Variants in PPP6R3 observed in about 807,000 individuals in gnomAD.
PPP6R3 encodes protein phosphatase 6 regulatory subunit 3.
PPP6R3 carries 38 observed loss-of-function variants against 110.7 expected under a neutral mutation model. That is an observed-to-expected ratio of 0.34 (90% CI 0.26 to 0.45). PPP6R3 has a LOEUF of 0.45. PPP6R3 is among the 20% of genes least tolerant of loss of function. The probability of loss-of-function intolerance (pLI) is 1.00; values close to 1 mark genes in which losing one functional copy is unlikely to be tolerated. For missense variants in PPP6R3, 870 were observed against 1,062.4 expected (o/e 0.82, Z 2.52); for synonymous variants, 369 against 373.5 (o/e 0.99, Z 0.14).
intron 1 of PPP6R3, among the ~76,000 whole-genome samples, chr11:68,467,560 A>G (rs2098757270): frequency 6.6e-6 from 1 of 152,202 alleles, no homozygotes; most frequent in Admixed American, 6.5e-5. Flanking sequence ...CACTTTGAGA[A>G]AAAAGAGCTT....
At chr11:68,477,473 C>T (rs554615145) in intron 1 of PPP6R3, among the ~76,000 whole-genome samples, 1 of 151,974 alleles carries the variant, frequency 6.6e-6, no homozygotes, top group Admixed American at 6.6e-5. Context: ...GTTATCCCGA[C>T]ACTTTGGGAG....
At chr11:68,601,731 G>A (rs1238602286) in intron 20 of PPP6R3, 132 bp from the exon 21 acceptor site, 12 of 662,652 alleles carry the variant, frequency 1.8e-5, no homozygotes, top group Non-Finnish European at 3.1e-5. Context: ...ACTGGAGTTT[G>A]TAACCCAGTG....
At chr11:68,601,672 G>T (rs997648248) in intron 20 of PPP6R3, among the ~76,000 whole-genome samples, 191 bp from the exon 21 acceptor site, 1 of 152,072 alleles carries the variant, frequency 6.6e-6, no homozygotes, top group Admixed American at 6.5e-5. Context: ...TTGCCTGCCC[G>T]CACTCATGTC....
intron 11 of PPP6R3, among the ~76,000 whole-genome samples, chr11:68,570,573 A>G (rs2099500147): frequency 6.6e-6 from 1 of 152,234 alleles, no homozygotes; most frequent in African/African-American, 2.4e-5. Context: ...ACTTTGGGCA[A>G]AACCCACCTG....
Position 68,565,696 on chromosome 11 carries a change from G to GTA in PPP6R3, c.975+1265_975+1266dup, listed in dbSNP as rs1252352109. ...TCTGGTTCTGGGCCCCGATTCAAAA[G>GTA]TAAGGCAGTGTCTTGTTTGGACTTC... On this transcript the variant is annotated intron_variant, in intron 9 of 23. Transcript: ENST00000393800. Among the ~76,000 whole-genome samples the GTA allele has an allele frequency of 4.6e-5, 7 of 152,166 alleles. No homozygotes were observed. In the South Asian group the frequency reaches 1.2e-3, roughly 27 times the overall value.
chr11:68,528,430 GT>G (rs1247530074), intron 2 of PPP6R3, among the ~76,000 whole-genome samples: 14 of 36,366 alleles, frequency 3.8e-4, no homozygotes, highest in African/African-American at 1.2e-3. Context: ...TAATTTGTGT[GT>G]GTGGGGGGGG....
intron 8 of PPP6R3, among the ~76,000 whole-genome samples, chr11:68,559,741 C>G (rs999207063): frequency 2.0e-5 from 3 of 152,132 alleles, no homozygotes; most frequent in Non-Finnish European, 4.4e-5. Context: ...GTACCATCTT[C>G]CTACCCCAGG....
intron 23 of PPP6R3, 80 bp from the exon 24 acceptor site, chr11:68,612,986 C>T: frequency 6.2e-7 from 1 of 1,608,096 alleles, no homozygotes; most frequent in East Asian, 2.2e-5. Flanking sequence ...TGTCCCTGCC[C>T]TTGGGGAGCT....
intron 1 of PPP6R3, among the ~76,000 whole-genome samples, chr11:68,467,837 C>T (rs1380559472): frequency 1.3e-5 from 2 of 152,110 alleles, no homozygotes; most frequent in Non-Finnish European, 2.9e-5. Context: ...TGTAGTGGCG[C>T]GATCTCGGCT....
chr11:68,594,365 A>G (rs1472042750), intron 18 of PPP6R3, among the ~76,000 whole-genome samples: 1 of 149,176 alleles, frequency 6.7e-6, no homozygotes, highest in Non-Finnish European at 1.5e-5. Flanking sequence ...AGAGAGAGTG[A>G]GTTAAATATG....
intron 1 of PPP6R3, among the ~76,000 whole-genome samples, chr11:68,511,362 G>T (rs779641550): frequency 3.3e-5 from 5 of 151,954 alleles, no homozygotes; most frequent in Non-Finnish European, 5.9e-5. Context: ...ACCGCGCCCG[G>T]CCCATGTATA....
At chr11:68,536,050 G>T (rs1280622626) in intron 2 of PPP6R3, among the ~76,000 whole-genome samples, 8 of 152,148 alleles carry the variant, frequency 5.3e-5, no homozygotes, top group Admixed American at 5.2e-4. Context: ...CCTATCCTGT[G>T]AAGTGGATCT....
At chr11:68,497,889 T>A (rs192329338) in intron 1 of PPP6R3, among the ~76,000 whole-genome samples, 428 of 152,342 alleles carry the variant, frequency 2.8e-3, no homozygotes, top group Non-Finnish European at 4.4e-3. Context: ...TTGCCTCATT[T>A]TTAATGACTA....
chr11:68,601,816 A>T, intron 20 of PPP6R3, 47 bp from the exon 21 acceptor site: 2 of 1,474,746 alleles, frequency 1.4e-6, no homozygotes, highest in Non-Finnish European at 1.9e-6. Flanking sequence ...GGGGTAACTG[A>T]GGACCATTCC....
chr11:68,608,034 T>TA lies in PPP6R3; in HGVS notation c.2451-1854dup, dbSNP rs55705439. On this transcript the variant is annotated intron_variant, in intron 22 of 23. Coordinates refer to ENST00000393800, the MANE Select transcript of PPP6R3 (RefSeq NM_001164161.2). Reference sequence around the variant, plus strand: ...GCCTCCTTCCTCGGCAGGACTTCTTTAAAAAAAAAAAAAAAAGCCTTCAAA... The same window carrying TA: ...GCCTCCTTCCTCGGCAGGACTTCTTTAAAAAAAAAAAAAAAAAGCCTTCAAA... 2.1e-3 allele frequency among the ~76,000 whole-genome samples: 282 copies of TA among 134,926 alleles called. 1 individual carries two copies. The highest frequency in any genetic ancestry group is 6.2e-3 in the East Asian group (29 of 4,680). The allele number at this position is 134,926 out of a possible 152,430, so 88.5% of individuals were successfully genotyped here.
intron 1 of PPP6R3, among the ~76,000 whole-genome samples, chr11:68,469,526 A>G (rs1469492536): frequency 6.6e-6 from 1 of 151,150 alleles, no homozygotes; most frequent in Non-Finnish European, 1.5e-5. Flanking sequence ...GGCACATGCT[A>G]CTACACCCAG....
At chr11:68,477,743 T>TATATATATATATATATATATAG (rs2098845229) in intron 1 of PPP6R3, among the ~76,000 whole-genome samples, 13 of 60,986 alleles carry the variant, frequency 2.1e-4, no homozygotes, top group Admixed American at 3.1e-4. Flanking sequence ...AAAAAAAAAA[T>TATATATATATATATATATATAG]ATATATATAT....
At chr11:68,567,902 A>G (rs76097817) in intron 10 of PPP6R3, among the ~76,000 whole-genome samples, 1 of 152,144 alleles carries the variant, frequency 6.6e-6, no homozygotes, top group East Asian at 1.9e-4. Context: ...TACACTATTC[A>G]TGTGATCCTG....
chr11:68,542,683 C>T (rs1042964274), intron 3 of PPP6R3, among the ~76,000 whole-genome samples: 6 of 152,184 alleles, frequency 3.9e-5, no homozygotes, highest in South Asian at 2.1e-4. Context: ...TGTGCGCCAC[C>T]GCGCTCGGCC....
Sources: allele counts gnomAD v4.1 joint callset (sites outside exome capture counted in the v4.1 genomes callset), GRCh38; gene constraint gnomAD v4.1.1; transcripts MANE v1.5; gene names NCBI Gene and HGNC (gene_info 2026-07-23, HGNC 2026-07-21).